Variants in GPI observed in about 807,000 individuals in gnomAD.
GPI encodes D-hexose-6-phosphate anomerase.
In GPI, 56 loss-of-function variants were observed where a neutral mutation model predicts 75.8. The observed-to-expected ratio is 0.74, with a 90% confidence interval of 0.60 to 0.92. The LOEUF (loss-of-function observed/expected upper bound fraction) is 0.92, where lower values mean the gene tolerates loss of function less well. GPI is among the 40% of genes least tolerant of loss of function. GPI has a pLI of 0.00. For synonymous variants in GPI, 288 were observed against 285.4 expected (o/e 1.01, Z -0.09); for missense variants, 638 against 741.0 (o/e 0.86, Z 1.61).
chr19:34,388,422 C>T (rs1234057045), intron 9 of GPI, among the ~76,000 whole-genome samples: 1 of 152,088 alleles, frequency 6.6e-6, no homozygotes, highest in Admixed American at 6.6e-5. Flanking sequence ...TTGCAGTGAG[C>T]TGAGATCATG....
At chr19:34,364,862 CGAAT>C (rs1358357234), upstream of GPI, 18 of 961,186 alleles carry the variant, frequency 1.9e-5, no homozygotes, top group South Asian at 6.9e-5. Context: ...AGAGTTTTGT[CGAAT>C]GAATGAATGA....
intron 14 of GPI, chr19:34,398,870 T>A: frequency 4.9e-6 from 1 of 204,356 alleles, no homozygotes; most frequent in Non-Finnish European, 1.0e-5. Context: ...CCCAGCTAAA[T>A]TTTTTTTTGG....
At position 34,379,985 on chromosome 19, in the gene GPI, G is replaced by GTTTTT. The variant is rs1356302354; in HGVS notation, c.750+427_750+428insTTTTT. ...TTTTGCCCCCTACTTAGTGTGTGTG[G>GTTTTT]TTTTGTTTTTTTTTTTTTTTTTTTT... On this transcript the variant is annotated intron_variant, in intron 8 of 17. Coordinates refer to ENST00000356487, the MANE Select transcript of GPI (RefSeq NM_000175.5). 92 of 127,938 alleles carry GTTTTT rather than the reference G, an allele frequency of 7.2e-4. 21 individuals carry two copies. Among genetic ancestry groups the GTTTTT allele is most frequent in the Admixed American group, 1.5e-3 (17 of 11,516 alleles). 7.9% of individuals were successfully genotyped at this position (127,938 alleles called of 1,614,324 possible). A position where few individuals can be genotyped will look rare whatever the true frequency, so the allele number is the denominator to read the frequency against.
At chr19:34,360,573 G>A (rs1248088558), upstream of GPI, among the ~76,000 whole-genome samples, 1 of 152,096 alleles carries the variant, frequency 6.6e-6, no homozygotes, top group Non-Finnish European at 1.5e-5. Context: ...ACTCCAGCCT[G>A]GGTGACAGAG....
At chr19:34,360,927 G>A (rs1031428669), upstream of GPI, among the ~76,000 whole-genome samples, 4 of 151,968 alleles carry the variant, frequency 2.6e-5, no homozygotes, top group Admixed American at 1.3e-4. Context: ...ACAGGTGTCC[G>A]CCACCACGCC....
intron 4 of GPI, among the ~76,000 whole-genome samples, 185 bp from the exon 5 acceptor site, chr19:34,377,301 CAAAAAAAAAAAAAAAAA>C (rs1169701523): frequency 1.0e-3 from 16 of 15,462 alleles, no homozygotes; most frequent in Non-Finnish European, 1.1e-3. Flanking sequence ...GGCTTCATCT[CAAAAAAAAAAAAAAAAA>C]AAAAAAAAAA....
At chr19:34,398,051 G>GT (rs527704087) in intron 14 of GPI, 21,340 of 138,112 alleles carry the variant, frequency 0.15, 2,124 homozygotes, top group African/African-American at 0.28. Flanking sequence ...GCCTGGCTAA[G>GT]TTTTTTTTTT....
upstream of GPI, among the ~76,000 whole-genome samples, chr19:34,361,778 C>T (rs530547049): frequency 6.6e-6 from 1 of 151,606 alleles, no homozygotes; most frequent in Non-Finnish European, 1.5e-5. Flanking sequence ...GTCAGGAGTT[C>T]GAGACTACCC....
At position 34,366,344 on chromosome 19, in the gene GPI, G is replaced by A. The variant is rs2074364907; in HGVS notation, c.123-1G>A. Reference sequence around the variant, plus strand: ...TCAGCAGCATCTCCATCTTTCTGCAGCTTGACCCTCAACACCAACCATGGG... The same window carrying A: ...TCAGCAGCATCTCCATCTTTCTGCAACTTGACCCTCAACACCAACCATGGG... On this transcript the variant is annotated splice_acceptor_variant, in intron 1 of 17. Coordinates refer to ENST00000356487, the MANE Select transcript of GPI (RefSeq NM_000175.5). LOFTEE classifies it high-confidence loss of function. 1 of 1,602,972 alleles carries A rather than the reference G, an allele frequency of 6.2e-7. No homozygotes were observed. Among genetic ancestry groups the A allele is most frequent in the Non-Finnish European group, 8.5e-7 (1 of 1,169,804 alleles).
At chr19:34,367,590 C>G (rs1168171573) in intron 3 of GPI, among the ~76,000 whole-genome samples, 1 of 152,154 alleles carries the variant, frequency 6.6e-6, no homozygotes, top group African/African-American at 2.4e-5. Flanking sequence ...CTTAGCAAGC[C>G]TCTCACTGGG....
rs1568352374 is a variant in GPI at position 34,400,028 on chromosome 19, GT to G, written c.1670del (p.Val557AlafsTer79). 6.2e-7 allele frequency: 1 copy of G among 1,612,000 alleles called. No individual in the cohort carries two copies. The highest frequency in any genetic ancestry group is 8.5e-7 in the Non-Finnish European group (1 of 1,180,008). ...CATCAAGCAGCAGCGCGAGGCCAGA[GT>G]CCAATAAACTCGTGCTCATCTGCAG... ...NFIKQQREAR[V>X]Q On this transcript the variant is annotated frameshift_variant, in exon 18 of 18. Transcript: ENST00000356487. LOFTEE classifies it high-confidence loss of function.
intron 9 of GPI, 152 bp downstream of exon 9, chr19:34,381,671 G>A: frequency 2.7e-6 from 2 of 736,554 alleles, no homozygotes; most frequent in Non-Finnish European, 5.0e-6. Flanking sequence ...GAGGCTTGGA[G>A]GGCAAGAGCA....
intron 12 of GPI, 44 bp downstream of exon 12, chr19:34,394,110 G>A: frequency 6.6e-7 from 1 of 1,521,608 alleles, no homozygotes. Flanking sequence ...AAGATTTGTG[G>A]GGGGTCTGGG....
In GPI at chr19:34,377,550, G is replaced by A. The variant is rs531610596; in HGVS notation, c.450G>A (p.Thr150=). 1.6e-5 allele frequency: 26 copies of A among 1,613,234 alleles called. No individual in the cohort carries two copies. The highest frequency in any genetic ancestry group is 8.8e-5 in the South Asian group (8 of 91,038). Residue 150 remains threonine, a synonymous_variant, in exon 5 of 18, where the codon ACG becomes ACA. Transcript: ENST00000356487. ...DWKGYTGKTI[T]DVINIGIGGS... is the part of the protein sequence containing the mutation. ...AGGGGTACACAGGCAAGACCATCAC[G>A]GACGTCATCAACATTGGCATTGGCG...
At chr19:34,396,716 T>C in intron 14 of GPI, 59 bp downstream of exon 14, 1 of 1,356,066 alleles carries the variant, frequency 7.4e-7, no homozygotes, top group South Asian at 1.2e-5. Flanking sequence ...CCCAGACCTC[T>C]GAAAACCTGG....
At position 34,379,351 on chromosome 19, in the gene GPI, C is replaced by T. The variant is rs2278266; in HGVS notation, c.706-167C>T. ...TGGGATGAGCAGGCGGCCTGTGACC[C>T]GTCTGCTTTCTTGACCTTGACCTCG... On this transcript the variant is annotated intron_variant, in intron 7 of 17. Transcript: ENST00000356487. 0.33 allele frequency among the ~76,000 whole-genome samples: 49,846 copies of T among 152,040 alleles called. 11,543 individuals are homozygous for T. The highest frequency in any genetic ancestry group is 0.65 in the African/African-American group (27,038 of 41,456).
chr19:34,388,028 T>C (rs980221240), intron 9 of GPI, among the ~76,000 whole-genome samples: 1 of 152,116 alleles, frequency 6.6e-6, no homozygotes, highest in Non-Finnish European at 1.5e-5. Context: ...ACCCTAAAGA[T>C]CAGCTGGGAC....
At position 34,396,625 on chromosome 19, in the gene GPI, CA is replaced by C. The variant is rs1285093002; in HGVS notation, c.1238del (p.Gln413ArgfsTer24). On this transcript the variant is annotated frameshift_variant, in exon 14 of 18. Transcript: ENST00000356487. LOFTEE classifies it high-confidence loss of function. ...TGACTTCCTCATCCCGGTCCAGACCCAGCACCCCATACGGAAGGGTCTGCAT... is the reference window on the plus strand; with the variant it reads ...TGACTTCCTCATCCCGGTCCAGACCCGCACCCCATACGGAAGGGTCTGCAT... ...PCDFLIPVQT[Q>X]HPIRKGLHHK... 1 of 1,614,228 alleles carries C rather than the reference CA, an allele frequency of 6.2e-7. No homozygotes were observed. Among genetic ancestry groups the C allele is most frequent in the Non-Finnish European group, 8.5e-7 (1 of 1,180,022 alleles).
rs1338158757 is a variant in GPI at position 34,393,809 on chromosome 19, A to T, written c.909+38A>T. The T allele has an allele frequency of 5.0e-6, 8 of 1,611,140 alleles. No homozygotes were observed. Among genetic ancestry groups the T allele is most frequent in the Non-Finnish European group, 6.8e-6 (8 of 1,178,610 alleles). Reference sequence around the variant, plus strand: ...GCTGGTTCTCTGCCAAGTGCTGGCCAGAGGCGCGTGTGTTGGTCCTGGTCC... The same window carrying T: ...GCTGGTTCTCTGCCAAGTGCTGGCCTGAGGCGCGTGTGTTGGTCCTGGTCC... On this transcript the variant is annotated intron_variant, in intron 11 of 17. Transcript: ENST00000356487. The surrounding 1 kb of genome is among the most constrained non-coding windows in gnomAD (Gnocchi z 4.4).
Sources: allele counts gnomAD v4.1 joint callset (sites outside exome capture counted in the v4.1 genomes callset), GRCh38; gene constraint gnomAD v4.1.1; non-coding constraint Gnocchi (gnomAD v3.1); transcripts MANE v1.5; gene names NCBI Gene and HGNC (gene_info 2026-07-23, HGNC 2026-07-21).